Variants in SVIL observed in about 807,000 individuals in gnomAD.
SVIL encodes supervillin.
A neutral mutation model predicts 240.4 loss-of-function variants in SVIL; 101 were observed. That is an observed-to-expected ratio of 0.42 (90% CI 0.36 to 0.50). SVIL has a LOEUF of 0.50. Ranked by LOEUF, SVIL falls within the 20% of genes least tolerant of loss-of-function variation. The pLI is 0.01. For missense variants in SVIL, 2,512 were observed against 2,818.7 expected (o/e 0.89, Z 2.46); for synonymous variants, 999 against 1,100.0 (o/e 0.91, Z 1.82).
chr10:29,698,809 G>T (rs528837643), intron 1 of SVIL, among the ~76,000 whole-genome samples: 1 of 151,800 alleles, frequency 6.6e-6, no homozygotes, highest in African/African-American at 2.4e-5. Flanking sequence ...GGAAGCAGAT[G>T]CATACAAACA....
At chr10:29,637,570 C>T (rs1057002664), upstream of SVIL, among the ~76,000 whole-genome samples, 1 of 152,192 alleles carries the variant, frequency 6.6e-6, no homozygotes, top group Non-Finnish European at 1.5e-5. Flanking sequence ...CAAGACAACA[C>T]AGCATTGGCA....
intron 2 of SVIL, among the ~76,000 whole-genome samples, chr10:29,682,254 G>A (rs552830672): frequency 1.3e-5 from 2 of 152,272 alleles, no homozygotes; most frequent in African/African-American, 2.4e-5. Context: ...AGTAGCCCAC[G>A]TGTAGGTATC....
chr10:29,682,106 C>T (rs1960703429), intron 2 of SVIL, among the ~76,000 whole-genome samples: 3 of 152,188 alleles, frequency 2.0e-5, no homozygotes, highest in Non-Finnish European at 4.4e-5. Context: ...TGGCTCTGGG[C>T]TTTGCATCTC....
chr10:29,662,772 C>T (rs531570062), intron 2 of SVIL, among the ~76,000 whole-genome samples: 27 of 145,026 alleles, frequency 1.9e-4, no homozygotes, highest in African/African-American at 6.6e-4. Flanking sequence ...GATGTATGTG[C>T]GCGCGTACAC....
At chr10:29,731,471 A>C (rs1363599118) in intron 1 of SVIL, among the ~76,000 whole-genome samples, 12 of 152,258 alleles carry the variant, frequency 7.9e-5, no homozygotes, top group Non-Finnish European at 1.5e-5. Context: ...ACACATTGTA[A>C]CTTTTATGCA....
At chr10:29,727,612 T>C (rs1463714208) in intron 1 of SVIL, among the ~76,000 whole-genome samples, 2 of 152,042 alleles carry the variant, frequency 1.3e-5, no homozygotes, top group African/African-American at 2.4e-5. Context: ...ACACTGCTAC[T>C]GGGGCAAGAA....
chr10:29,633,516 G>A (rs909180007), intron 1 of SVIL, among the ~76,000 whole-genome samples: 3 of 151,878 alleles, frequency 2.0e-5, no homozygotes, highest in Admixed American at 6.6e-5. Flanking sequence ...ATTTTCAAAC[G>A]CCCCCTAGGG....
intron 1 of SVIL, among the ~76,000 whole-genome samples, chr10:29,691,120 G>T (rs546170361): frequency 6.6e-6 from 1 of 151,788 alleles, no homozygotes; most frequent in East Asian, 2.0e-4. Context: ...ATAGTAGAAA[G>T]ATTTTTTTTT....
chr10:29,618,174 A>G (rs988901845), intron 1 of SVIL, among the ~76,000 whole-genome samples: 2 of 152,194 alleles, frequency 1.3e-5, no homozygotes, highest in Non-Finnish European at 2.9e-5. Context: ...GTTTAAATGC[A>G]TTTGATTTTA....
chr10:29,537,306 A>G (rs1426044702), intron 6 of SVIL, among the ~76,000 whole-genome samples: 1 of 152,216 alleles, frequency 6.6e-6, no homozygotes, highest in Non-Finnish European at 1.5e-5. Flanking sequence ...ACGAAAATGA[A>G]TCATAAATCA....
chr10:29,585,742 C>T (rs1038471427), intron 1 of SVIL, among the ~76,000 whole-genome samples: 6 of 152,164 alleles, frequency 3.9e-5, no homozygotes, highest in African/African-American at 1.4e-4. Context: ...GCCCTGGTGC[C>T]CCAAGATCTC....
chr10:29,631,291 G>A (rs61849387), intron 1 of SVIL, among the ~76,000 whole-genome samples: 32 of 152,354 alleles, frequency 2.1e-4, no homozygotes, highest in Non-Finnish European at 5.9e-5. Flanking sequence ...TAGACCAGAC[G>A]GAGGAGAAAC....
intron 2 of SVIL, among the ~76,000 whole-genome samples, chr10:29,565,051 A>G (rs1954854292): frequency 6.6e-6 from 1 of 152,252 alleles, no homozygotes; most frequent in East Asian, 1.9e-4. Flanking sequence ...TTAGGAAACT[A>G]AAATCTTTTC....
chr10:29,736,202 C>T (rs1964893768), upstream of SVIL, among the ~76,000 whole-genome samples: 1 of 152,216 alleles, frequency 6.6e-6, no homozygotes, highest in African/African-American at 2.4e-5. Context: ...ACCCCCTCCA[C>T]GGCCAGCGGG....
intron 18 of SVIL, among the ~76,000 whole-genome samples, chr10:29,495,410 A>G (rs1399021743): frequency 2.0e-5 from 3 of 152,166 alleles, no homozygotes; most frequent in Non-Finnish European, 4.4e-5. Flanking sequence ...TGACAAGCCG[A>G]TATTCCAAAA....
intron 1 of SVIL, among the ~76,000 whole-genome samples, chr10:29,583,110 C>A (rs1311551701): frequency 6.6e-6 from 1 of 152,162 alleles, no homozygotes; most frequent in African/African-American, 2.4e-5. Context: ...TAGATCATAG[C>A]TGTTCTAGAG....
rs1276521760 is a variant in SVIL at position 29,532,078 on chromosome 10, G to A, written c.1933C>T (p.Pro645Ser). 6.2e-7 allele frequency: 1 copy of A among 1,614,126 alleles called. No homozygotes were observed. Among genetic ancestry groups the A allele is most frequent in the Admixed American group, 1.7e-5 (1 of 60,026 alleles). ...GSRKPRRYFSPGESRKTSERF... is the reference protein window; with the variant it reads ...GSRKPRRYFSSGESRKTSERF... Reference sequence around the variant, plus strand: ...TCGGAAGTTTTTCTACTTTCACCAGGAGAAAAATAGCGTCTTGGTTTCCGG... The same window carrying A: ...TCGGAAGTTTTTCTACTTTCACCAGAAGAAAAATAGCGTCTTGGTTTCCGG... Residue 645 changes from proline to serine, a missense_variant, in exon 9 of 38, where the codon CCT becomes TCT. By Grantham distance (74) the Pro-to-Ser change is moderately conservative (BLOSUM62 -1). Around this residue, in one of 3 missense-constraint regions of SVIL, gnomAD observed 1,443 missense variants for 1,486.6 expected, o/e 0.97. Transcript: ENST00000355867.
At chr10:29,525,927 G>A (rs984759153) in intron 13 of SVIL, among the ~76,000 whole-genome samples, 1 of 152,184 alleles carries the variant, frequency 6.6e-6, no homozygotes, top group Admixed American at 6.5e-5. Flanking sequence ...GTAACCAGGA[G>A]GGCAGGGAAA....
At chr10:29,633,192 G>A (rs887858310) in intron 1 of SVIL, among the ~76,000 whole-genome samples, 7 of 147,612 alleles carry the variant, frequency 4.7e-5, no homozygotes, top group African/African-American at 1.8e-4. Flanking sequence ...AGCCGAGATC[G>A]TGCCACTGCA....
Sources: gnomAD v4.1 joint callset for allele counts (sites outside exome capture counted in the v4.1 genomes callset) on GRCh38, gnomAD v4.1.1 for gene constraint, gnomAD v4.1.1 regional missense constraint, MANE v1.5 for transcripts, NCBI Gene and HGNC (gene_info 2026-07-23, HGNC 2026-07-21) for gene names.